Variants in ANTXR1 observed in about 807,000 individuals in gnomAD.
The protein encoded by ANTXR1 is ANTXR cell adhesion molecule 1.
ANTXR1 carries 19 observed loss-of-function variants against 78.1 expected under a neutral mutation model. The ratio of observed to expected loss-of-function variants is 0.24; its 90% CI spans 0.17 to 0.36. The LOEUF (loss-of-function observed/expected upper bound fraction) is 0.36. Ranked by LOEUF, ANTXR1 falls within the 10% of genes least tolerant of loss-of-function variation. The probability of loss-of-function intolerance (pLI) is 1.00; values close to 1 mark genes in which losing one functional copy is unlikely to be tolerated. For missense variants in ANTXR1, 518 were observed against 718.6 expected (o/e 0.72, Z 3.19); for synonymous variants, 273 against 260.5 (o/e 1.05, Z -0.46).
chr2:69,183,200 G>A (rs1015677351), intron 16 of ANTXR1, among the ~76,000 whole-genome samples: 4 of 151,930 alleles, frequency 2.6e-5, no homozygotes, highest in South Asian at 2.1e-4. Flanking sequence ...TTTTATTTGC[G>A]CCTCCTGCCA....
rs201593539 is a variant in ANTXR1 at position 69,072,994 on chromosome 2, C to G, written c.413-28C>G. ...GTTTCCTTGGGTGGAGCAGGGTGGA[C>G]TGAGCCAGTCTGTATTGTGTTAAAC... On this transcript the variant is annotated intron_variant, in intron 5 of 17. Coordinates refer to ENST00000303714, the MANE Select transcript of ANTXR1 (RefSeq NM_032208.3). 4 of 1,610,300 alleles carry G rather than the reference C, an allele frequency of 2.5e-6. No homozygotes were observed. The East Asian group carries it at 8.9e-5, about 36-fold the overall frequency.
At chr2:69,167,695 G>T (rs1295126637) in intron 13 of ANTXR1, among the ~76,000 whole-genome samples, 2 of 152,200 alleles carry the variant, frequency 1.3e-5, no homozygotes, top group Non-Finnish European at 2.9e-5. Flanking sequence ...CATTCCTGCT[G>T]AACATAACCA....
At chr2:69,095,921 T>C (rs926139831) in intron 9 of ANTXR1, among the ~76,000 whole-genome samples, 1 of 152,132 alleles carries the variant, frequency 6.6e-6, no homozygotes, top group Non-Finnish European at 1.5e-5. Flanking sequence ...CTGGAACTCT[T>C]ACTGGGGAGA....
chr2:69,243,493 G>A lies in ANTXR1; in HGVS notation c.1435-1732G>A, dbSNP rs114249844. ...GTGGGGGAAATGTTTGGGGGAAAAG[G>A]GACATGATTTATGACTTGAAGGATG... is the stretch of plus-strand genomic sequence containing the variant. On this transcript the variant is annotated intron_variant, in intron 17 of 17. Coordinates refer to ENST00000303714, the MANE Select transcript of ANTXR1 (RefSeq NM_032208.3). 4.4e-3 allele frequency among the ~76,000 whole-genome samples: 665 copies of A among 152,258 alleles called. 7 individuals are homozygous for A. Among genetic ancestry groups the A allele is most frequent in the African/African-American group, 0.015 (628 of 41,524 alleles).
In ANTXR1 at chr2:69,070,324, G is replaced by A. The variant is rs1469145381; in HGVS notation, c.297-323G>A. 3.3e-5 allele frequency among the ~76,000 whole-genome samples: 5 copies of A among 152,118 alleles called. No homozygotes were observed. The East Asian group carries it at 7.7e-4, about 23-fold the overall frequency. Reference sequence around the variant, plus strand: ...CATTTGTATTGCTGCCTAAGTTGCTGTGTGTCCCATCAGGAGCAGCATTTA... The same window carrying A: ...CATTTGTATTGCTGCCTAAGTTGCTATGTGTCCCATCAGGAGCAGCATTTA... On this transcript the variant is annotated intron_variant, in intron 3 of 17. Coordinates refer to ENST00000303714, the MANE Select transcript of ANTXR1 (RefSeq NM_032208.3).
intron 1 of ANTXR1, among the ~76,000 whole-genome samples, chr2:69,036,529 G>A (rs75886587): frequency 0.017 from 2,507 of 151,794 alleles, 30 homozygotes; most frequent in Non-Finnish European, 0.021. Flanking sequence ...AATTCCTCCC[G>A]GCAGAAATTC....
chr2:69,233,636 A>AT (rs1675681789), intron 17 of ANTXR1, among the ~76,000 whole-genome samples: 1 of 151,916 alleles, frequency 6.6e-6, no homozygotes, highest in African/African-American at 2.4e-5. Flanking sequence ...ATTTGCTTAA[A>AT]TTTTTTTAAA....
At chr2:69,048,181 G>C (rs1431410326) in intron 3 of ANTXR1, among the ~76,000 whole-genome samples, 1 of 151,928 alleles carries the variant, frequency 6.6e-6, no homozygotes, top group Non-Finnish European at 1.5e-5. Flanking sequence ...TAAGAAATAA[G>C]ACCACGTGAA....
intron 17 of ANTXR1, among the ~76,000 whole-genome samples, chr2:69,224,737 A>G (rs1675399567): frequency 6.6e-6 from 1 of 152,184 alleles, no homozygotes; most frequent in Non-Finnish European, 1.5e-5. Context: ...AGCTTGGAAA[A>G]TGTCATTTTC....
intron 9 of ANTXR1, among the ~76,000 whole-genome samples, chr2:69,092,046 T>A (rs1468529374): frequency 6.6e-6 from 1 of 152,214 alleles, no homozygotes; most frequent in Non-Finnish European, 1.5e-5. Context: ...ACTGTGTGTG[T>A]GAGTTCCTGT....
intron 17 of ANTXR1, among the ~76,000 whole-genome samples, chr2:69,217,271 G>C (rs1675201184): frequency 6.6e-6 from 1 of 152,144 alleles, no homozygotes; most frequent in Non-Finnish European, 1.5e-5. Flanking sequence ...TCCCATCCCT[G>C]CTGCTGGCCA....
At chr2:69,189,675 C>T (rs1373398740) in intron 16 of ANTXR1, among the ~76,000 whole-genome samples, 2 of 152,164 alleles carry the variant, frequency 1.3e-5, no homozygotes, top group Non-Finnish European at 2.9e-5. Flanking sequence ...GGCAGCAGAG[C>T]TGCTACAGAG....
chr2:69,114,715 A>G (rs1201461285), intron 10 of ANTXR1, among the ~76,000 whole-genome samples: 1 of 152,176 alleles, frequency 6.6e-6, no homozygotes, highest in Non-Finnish European at 1.5e-5. Flanking sequence ...TTTACATTAT[A>G]AAGCTCCACC....
chr2:69,193,386 T>G lies in ANTXR1; in HGVS notation c.1405T>G (p.Ser469Ala). 6.2e-7 allele frequency: 1 copy of G among 1,613,986 alleles called. No individual in the cohort carries two copies. The highest frequency in any genetic ancestry group is 8.5e-7 in the Non-Finnish European group (1 of 1,179,956). Residue 469 changes from serine (S) to alanine (A), a missense_variant, in exon 17 of 18, where the codon TCT becomes GCT. Transcript: ENST00000303714. ...ACTGAGGAAAGGATATGATCGTGTG[T>G]CTGTGATGCGTCCACAGCCAGGAGA... ...VLLRKGYDRV[S>A]VMRPQPGDTG...
At position 69,213,699 on chromosome 2, in the gene ANTXR1, C is replaced by G. The variant is rs151192676; in HGVS notation, c.1434+20284C>G. 8.1e-4 allele frequency among the ~76,000 whole-genome samples: 123 copies of G among 152,372 alleles called. 1 individual carries two copies. The highest frequency in any genetic ancestry group is 2.8e-3 in the African/African-American group (115 of 41,592). On this transcript the variant is annotated intron_variant, in intron 17 of 17. Coordinates refer to ENST00000303714, the MANE Select transcript of ANTXR1 (RefSeq NM_032208.3). ...GGTCGCCAGACTCCTGTCTCTAACA[C>G]ACTGTTAAATGCCTAGATGTATTTC...
chr2:69,131,208 TA>T (rs1185398482), intron 12 of ANTXR1, among the ~76,000 whole-genome samples: 1 of 152,154 alleles, frequency 6.6e-6, no homozygotes, highest in East Asian at 1.9e-4. Context: ...GGAATTTGCC[TA>T]AAAAAATAAT....
intron 3 of ANTXR1, among the ~76,000 whole-genome samples, chr2:69,069,018 G>C (rs1286504031): frequency 1.3e-5 from 2 of 152,152 alleles, no homozygotes; most frequent in Non-Finnish European, 2.9e-5. Context: ...GTATTGAAAA[G>C]AGAATAGTCA....
chr2:69,096,323 AGG>A lies in ANTXR1; in HGVS notation c.703+5405_703+5406del, dbSNP rs1671416205. Among the ~76,000 whole-genome samples the A allele has an allele frequency of 3.4e-4, 3 of 8,774 alleles. 1 individual carries two copies. Among genetic ancestry groups the A allele is most frequent in the African/African-American group, 2.7e-3 (2 of 740 alleles). The allele number at this position is 8,774 out of a possible 152,430, so 5.8% of individuals were successfully genotyped here. On this transcript the variant is annotated intron_variant, in intron 9 of 17. Coordinates refer to ENST00000303714, the MANE Select transcript of ANTXR1 (RefSeq NM_032208.3). ...GAGGAAGGGAGGAAGGGAGGAAGGG[AGG>A]AAGGGAGGAAGGGAGGAAGGGAGGA...
At chr2:69,186,279 C>T (rs761905925) in intron 16 of ANTXR1, among the ~76,000 whole-genome samples, 12 of 152,196 alleles carry the variant, frequency 7.9e-5, no homozygotes, top group Non-Finnish European at 1.2e-4. Flanking sequence ...GGAAGAAATT[C>T]AAAAGTAATC....
Sources: gnomAD v4.1 joint callset for allele counts (sites outside exome capture counted in the v4.1 genomes callset) on GRCh38, gnomAD v4.1.1 for gene constraint, MANE v1.5 for transcripts, NCBI Gene and HGNC (gene_info 2026-07-23, HGNC 2026-07-21) for gene names.